LSM11: variants seen among roughly 807,000 people sequenced by gnomAD.
LSM11 encodes the protein U7 snRNA-associated Sm-like protein LSm11.
In LSM11, 14 loss-of-function variants were observed where a neutral mutation model predicts 28.1. That is an observed-to-expected ratio of 0.50 (90% CI 0.33 to 0.78). LSM11 has a LOEUF of 0.78. Among genes scored for constraint, LSM11 ranks in the 30% least tolerant of loss-of-function variants. LSM11 has a pLI of 0.02. For synonymous variants in LSM11, 207 were observed against 214.2 expected (o/e 0.97, Z 0.30); for missense variants, 495 against 510.6 (o/e 0.97, Z 0.30).
Position 157,743,756 on chromosome 5 carries a change from G to A in LSM11, c.6G>A (p.Glu2=). M[E]ERERGARSAG... is the part of the protein sequence containing the mutation. ...GGCTTGCGGGCCTTTCAAACATGGA[G>A]GAGCGGGAGCGGGGGGCGAGGTCGG... Residue 2 remains glutamate, a synonymous_variant, in exon 1 of 4, where the codon GAG becomes GAA. Transcript: ENST00000286307. The A allele has an allele frequency of 7.2e-7, 1 of 1,388,798 alleles. No individual in the cohort carries two copies. 86.0% of individuals were successfully genotyped at this position (1,388,798 alleles called of 1,614,324 possible).
chr5:157,749,092 C>T (rs1023429101), intron 1 of LSM11, among the ~76,000 whole-genome samples: 1 of 152,186 alleles, frequency 6.6e-6, no homozygotes, highest in East Asian at 1.9e-4. Context: ...CCTGGAATTA[C>T]ACCTTATTAA....
intron 1 of LSM11, among the ~76,000 whole-genome samples, chr5:157,745,858 C>T (rs950699824): frequency 6.6e-6 from 1 of 151,994 alleles, no homozygotes; most frequent in Non-Finnish European, 1.5e-5. Flanking sequence ...CTTCAGAAAG[C>T]AAGAAAACAA....
intron 2 of LSM11, among the ~76,000 whole-genome samples, chr5:157,752,487 CT>C (rs1162997322): frequency 6.6e-6 from 1 of 151,984 alleles, no homozygotes; most frequent in Non-Finnish European, 1.5e-5. Flanking sequence ...TAGAGGCTTA[CT>C]TTTTTTCTAG....
At chr5:157,754,692 CAAAA>C (rs34644413) in intron 3 of LSM11, among the ~76,000 whole-genome samples, 158 bp from the exon 4 acceptor site, 197 of 90,268 alleles carry the variant, frequency 2.2e-3, no homozygotes, top group African/African-American at 7.9e-3. Context: ...ACTCCGTCTC[CAAAA>C]AAAAAAAAAA....
Position 157,755,884 on chromosome 5 carries a change from T to A in LSM11, c.*620T>A. 1 of 392,152 alleles carries A rather than the reference T, an allele frequency of 2.6e-6. No homozygotes were observed. Among genetic ancestry groups the A allele is most frequent in the Non-Finnish European group, 4.5e-6 (1 of 222,494 alleles). The allele number at this position is 392,152 out of a possible 1,614,324, so 24.3% of individuals were successfully genotyped here. ...AGCAATGAGTGCTCTGTTTTGATCC[T>A]TCTTCTTATTATGGAAAGGAGTACA... On this transcript the variant is annotated 3_prime_UTR_variant, in exon 4 of 4. Coordinates refer to ENST00000286307, the MANE Select transcript of LSM11 (RefSeq NM_173491.4).
At chr5:157,750,357 C>T (rs1021194653) in intron 1 of LSM11, among the ~76,000 whole-genome samples, 9 of 152,330 alleles carry the variant, frequency 5.9e-5, no homozygotes, top group African/African-American at 1.7e-4. Flanking sequence ...TTCATCTTTC[C>T]TCCCACGCTC....
In LSM11 at chr5:157,760,421, C is replaced by G. The variant is rs1471787207; in HGVS notation, c.*5157C>G. On this transcript the variant is annotated 3_prime_UTR_variant, in exon 4 of 4. Transcript: ENST00000286307. ...ACTGACATCTAAAGACATCAGCCTT[C>G]TCTTTGGCAACCCTGGGGATACTCC... The G allele has an allele frequency of 2.0e-5, 3 of 152,178 alleles. No individual in the cohort carries two copies. Among genetic ancestry groups the G allele is most frequent in the Non-Finnish European group, 4.4e-5 (3 of 68,050 alleles). The allele number at this position is 152,178 out of a possible 1,614,324, so 9.4% of individuals were successfully genotyped here.
chr5:157,757,326 A>G lies in LSM11; in HGVS notation c.*2062A>G, dbSNP rs1030559143. 1 of 152,034 alleles carries G rather than the reference A, an allele frequency of 6.6e-6. No homozygotes were observed. The highest frequency in any genetic ancestry group is 2.4e-5 in the African/African-American group (1 of 41,396). 9.4% of individuals were successfully genotyped at this position (152,034 alleles called of 1,614,324 possible). Reference sequence around the variant, plus strand: ...AGAAGAGTATCTTCAGTAAGAGGAGAGTAACTTTTTTTTTGCTGCTCCCGC... The same window carrying G: ...AGAAGAGTATCTTCAGTAAGAGGAGGGTAACTTTTTTTTTGCTGCTCCCGC... On this transcript the variant is annotated 3_prime_UTR_variant, in exon 4 of 4. Coordinates refer to ENST00000286307, the MANE Select transcript of LSM11 (RefSeq NM_173491.4).
chr5:157,744,581 A>G (rs540869445), intron 1 of LSM11, among the ~76,000 whole-genome samples: 2 of 152,200 alleles, frequency 1.3e-5, no homozygotes, highest in South Asian at 2.1e-4. Context: ...TGGCGGGGCT[A>G]CAGAGTTTGG....
Position 157,743,949 on chromosome 5 carries a change from G to C in LSM11, c.199G>C (p.Val67Leu). The change falls in exon 1 of 4, where the codon GTC becomes CTC. Residue 67 changes from valine (V) to leucine (L), a missense_variant. By Grantham distance (32) the Val-to-Leu change is conservative. Coordinates refer to ENST00000286307, the MANE Select transcript of LSM11 (RefSeq NM_173491.4). Reference protein sequence around the residue: ...AEYESFLRTGVRGGGRGRGRA... With the variant: ...AEYESFLRTGLRGGGRGRGRA... ...GTACGAGAGCTTCCTCAGGACCGGA[G>C]TCCGGGGCGGCGGGCGCGGGCGCGG... The C allele has an allele frequency of 7.3e-7, 1 of 1,372,336 alleles. No homozygotes were observed. The highest frequency in any genetic ancestry group is 2.8e-5 in the East Asian group (1 of 35,126). 85.0% of individuals were successfully genotyped at this position (1,372,336 alleles called of 1,614,324 possible).
chr5:157,751,523 G>T lies in LSM11; in HGVS notation c.582G>T (p.Trp194Cys). ...TCCTTGTTGCATTCGACAAGTTCTG[G>T]AATATGGTAATTAAGCCTTTCTCAA... ...TGFLVAFDKF[W>C]NMALTDVDET... The change falls in exon 2 of 4, where the codon TGG becomes TGT. Residue 194 changes from tryptophan (W) to cysteine (C), a missense_variant. Trp to Cys is a radical substitution (Grantham distance 215). Coordinates refer to ENST00000286307, the MANE Select transcript of LSM11 (RefSeq NM_173491.4). 6.2e-7 allele frequency: 1 copy of T among 1,611,962 alleles called. No individual in the cohort carries two copies. The highest frequency in any genetic ancestry group is 8.5e-7 in the Non-Finnish European group (1 of 1,179,190).
intron 1 of LSM11, 110 bp from the exon 2 acceptor site, chr5:157,751,280 T>G: frequency 8.1e-7 from 1 of 1,232,376 alleles, no homozygotes; most frequent in Admixed American, 3.0e-5. Context: ...AGTGAGATTG[T>G]CACTCTACCA....
intron 1 of LSM11, among the ~76,000 whole-genome samples, chr5:157,750,119 T>C (rs373445782): frequency 2.6e-5 from 4 of 152,188 alleles, no homozygotes; most frequent in South Asian, 2.1e-4. Context: ...GGGTGCGTAG[T>C]GCGTGCCTGT....
At chr5:157,744,953 T>C (rs1219523738) in intron 1 of LSM11, among the ~76,000 whole-genome samples, 1 of 145,068 alleles carries the variant, frequency 6.9e-6, no homozygotes, top group East Asian at 2.1e-4. Context: ...TCTGCCTGGC[T>C]GGGTGCAGGA....
At chr5:157,750,530 T>G (rs1017278330) in intron 1 of LSM11, among the ~76,000 whole-genome samples, 6 of 152,188 alleles carry the variant, frequency 3.9e-5, no homozygotes, top group Non-Finnish European at 8.8e-5. Flanking sequence ...AACCAGTGCT[T>G]TTCCTCCCAG....
In LSM11 at chr5:157,755,333, TCC is replaced by T; in HGVS notation, c.*71_*72del. 2 of 1,488,342 alleles carry T rather than the reference TCC, an allele frequency of 1.3e-6. No individual in the cohort carries two copies. Among genetic ancestry groups the T allele is most frequent in the Non-Finnish European group, 1.8e-6 (2 of 1,095,410 alleles). The allele number at this position is 1,488,342 out of a possible 1,614,324, so 92.2% of individuals were successfully genotyped here. A position where few individuals can be genotyped will look rare whatever the true frequency, so the allele number is the denominator to read the frequency against. ...ATTGCTGCTATGCTGTATCCTAGTA[TCC>T]CAGTGAAACTCTGAGTTGGAATGAT... On this transcript the variant is annotated 3_prime_UTR_variant, in exon 4 of 4. Transcript: ENST00000286307.
In LSM11 at chr5:157,755,335, C is replaced by T. The variant is rs955499482; in HGVS notation, c.*71C>T. The stretch of plus-strand genomic sequence containing the variant: ...TGCTGCTATGCTGTATCCTAGTATC[C>T]CAGTGAAACTCTGAGTTGGAATGAT... On this transcript the variant is annotated 3_prime_UTR_variant, in exon 4 of 4. Transcript: ENST00000286307. 3.4e-6 allele frequency: 5 copies of T among 1,469,818 alleles called. No homozygotes were observed. The Admixed American group carries it at 9.4e-5, about 28-fold the overall frequency. The allele number at this position is 1,469,818 out of a possible 1,614,324, so 91.0% of individuals were successfully genotyped here. A position where few individuals can be genotyped will look rare whatever the true frequency, so the allele number is the denominator to read the frequency against.
Position 157,744,174 on chromosome 5 carries a change from C to CAGG in LSM11, c.424_425insAGG (p.Arg142delinsGlnGly). The CAGG allele has an allele frequency of 7.3e-7, 1 of 1,366,052 alleles. No homozygotes were observed. Among genetic ancestry groups the CAGG allele is most frequent in the Non-Finnish European group, 9.4e-7 (1 of 1,058,308 alleles). The allele number at this position is 1,366,052 out of a possible 1,614,324, so 84.6% of individuals were successfully genotyped here. A position where few individuals can be genotyped will look rare whatever the true frequency, so the allele number is the denominator to read the frequency against. On this transcript the variant is annotated protein_altering_variant, in exon 1 of 4. Coordinates refer to ENST00000286307, the MANE Select transcript of LSM11 (RefSeq NM_173491.4). The stretch of plus-strand genomic sequence containing the variant: ...TCCGGGTCGGAGCAGGAAGGCGCCA[C>CAGG]GCAACGTGCTCACGCGAATGCCCTG...
At position 157,758,222 on chromosome 5, in the gene LSM11, C is replaced by G. The variant is rs1360875637; in HGVS notation, c.*2958C>G. The G allele has an allele frequency of 1.3e-5, 2 of 152,302 alleles. No homozygotes were observed. Among genetic ancestry groups the G allele is most frequent in the African/African-American group, 4.8e-5 (2 of 41,430 alleles). The allele number at this position is 152,302 out of a possible 1,614,324, so 9.4% of individuals were successfully genotyped here. ...TTCTGCCTCCCAGGTTCAAGCGATT[C>G]TCCTGCCTTAGCCTCCTGAGTAGCT... On this transcript the variant is annotated 3_prime_UTR_variant, in exon 4 of 4. Coordinates refer to ENST00000286307, the MANE Select transcript of LSM11 (RefSeq NM_173491.4).
Sources: gnomAD v4.1 joint callset for allele counts (sites outside exome capture counted in the v4.1 genomes callset) on GRCh38, gnomAD v4.1.1 for gene constraint, MANE v1.5 for transcripts, NCBI Gene and HGNC (gene_info 2026-07-23, HGNC 2026-07-21) for gene names.